NINL: variants seen among roughly 807,000 people sequenced by gnomAD.
NINL encodes the protein ninein-like protein.
Under a neutral mutation model 160.3 loss-of-function variants are expected in NINL, and 153 were observed. The ratio of observed to expected loss-of-function variants is 0.95; its 90% CI spans 0.84 to 1.09. NINL has a LOEUF of 1.09. Among genes scored for constraint, NINL ranks in the 50% least tolerant of loss-of-function variants. The pLI, the probability that NINL is intolerant of heterozygous loss-of-function variation, is 0.00. For synonymous variants in NINL, 800 were observed against 734.8 expected, an observed-to-expected ratio of 1.09 and a Z score of -1.43; for missense variants, 1,829 against 1,764.0, an observed-to-expected ratio of 1.04 and a Z score of -0.66.
chr20:25,540,643 A>T (rs1373870689), intron 1 of NINL, among the ~76,000 whole-genome samples: 2 of 152,168 alleles, frequency 1.3e-5, no homozygotes, highest in Non-Finnish European at 2.9e-5. Flanking sequence ...CAGAAAGAAC[A>T]GGGCTGAGGC....
intron 17 of NINL, among the ~76,000 whole-genome samples, chr20:25,474,493 C>T (rs1389831995): frequency 6.6e-6 from 1 of 152,160 alleles, no homozygotes; most frequent in African/African-American, 2.4e-5. Flanking sequence ...GAGAGGCGGC[C>T]ATTTAATGGC....
chr20:25,518,219 T>C (rs1176785828), intron 2 of NINL, among the ~76,000 whole-genome samples: 1 of 152,214 alleles, frequency 6.6e-6, no homozygotes, highest in Non-Finnish European at 1.5e-5. Context: ...CTACATCTCC[T>C]GAACCCTACC....
intron 2 of NINL, among the ~76,000 whole-genome samples, chr20:25,523,490 C>A (rs1481594507): frequency 2.6e-5 from 4 of 152,170 alleles, no homozygotes; most frequent in Non-Finnish European, 5.9e-5. Context: ...TAGACTTAAG[C>A]AATCCTCTCA....
chr20:25,476,813 C>A lies in NINL; in HGVS notation c.2478G>T (p.Met826Ile). Residue 826 changes from methionine (M) to isoleucine (I), a missense_variant, in exon 17 of 24, where the codon ATG (methionine) becomes ATT (isoleucine). Transcript: ENST00000278886. ...CCAGCCCATCTTTCGGCAGGGCCTG[C>A]ATCTCTGCTTCCAGGGAGGGCCCGT... ...RVDGPSLEAE[M>I]QALPKDGLVA... The A allele has an allele frequency of 6.2e-7, 1 of 1,613,108 alleles. No homozygotes were observed. Among genetic ancestry groups the A allele is most frequent in the Non-Finnish European group, 8.5e-7 (1 of 1,179,938 alleles).
chr20:25,508,394 G>A (rs1601182204), intron 5 of NINL, among the ~76,000 whole-genome samples: 1 of 152,238 alleles, frequency 6.6e-6, no homozygotes, highest in East Asian at 1.9e-4. Flanking sequence ...ACTGCTCACA[G>A]GACTAAGGAA....
intron 15 of NINL, among the ~76,000 whole-genome samples, chr20:25,479,574 T>C (rs1480194084): frequency 6.6e-6 from 1 of 152,192 alleles, no homozygotes; most frequent in Non-Finnish European, 1.5e-5. Context: ...CATTCAACTA[T>C]GGGTGGGCAG....
chr20:25,526,649 C>T (rs1568943452), intron 1 of NINL, 51 bp from the exon 2 acceptor site: 3 of 1,548,152 alleles, frequency 1.9e-6, no homozygotes, highest in Admixed American at 1.7e-5. Context: ...TCCCACCTCC[C>T]CTCCCATTCC....
Position 25,453,231 on chromosome 20 carries a change from G to A in NINL, c.*220C>T, listed in dbSNP as rs2146245334. 3 of 420,770 alleles carry A rather than the reference G, an allele frequency of 7.1e-6. No homozygotes were observed. Among genetic ancestry groups the A allele is most frequent in the East Asian group, 3.7e-5 (1 of 26,886 alleles). 26.1% of individuals were successfully genotyped at this position (420,770 alleles called of 1,614,324 possible). A position where few individuals can be genotyped will look rare whatever the true frequency, so the allele number is the denominator to read the frequency against. On this transcript the variant is annotated 3_prime_UTR_variant, in exon 24 of 24. Coordinates refer to ENST00000278886, the MANE Select transcript of NINL (RefSeq NM_025176.6). ...TTGCCAAGGGAAATTACTCAGGACC[G>A]CTAATAAAAACGCCGGCTTCTGCAA...
At chr20:25,500,696 C>T (rs181948062) in intron 8 of NINL, 144 bp downstream of exon 8, 6 of 687,036 alleles carry the variant, frequency 8.7e-6, no homozygotes, top group East Asian at 5.6e-5. Context: ...TAGGTTTCTA[C>T]CTGGACTTCC....
intron 19 of NINL, among the ~76,000 whole-genome samples, chr20:25,464,563 A>G (rs1038384878): frequency 6.6e-6 from 1 of 152,064 alleles, no homozygotes; most frequent in African/African-American, 2.4e-5. Flanking sequence ...CACTCCCCCA[A>G]TCTGCTTTGC....
At chr20:25,581,920 GA>G (rs2065179081) in intron 1 of NINL, among the ~76,000 whole-genome samples, 1 of 152,184 alleles carries the variant, frequency 6.6e-6, no homozygotes. Context: ...ATGAGTTAGC[GA>G]AAAAGTTTCC....
intron 13 of NINL, among the ~76,000 whole-genome samples, chr20:25,482,549 C>T (rs982958935): frequency 6.6e-6 from 1 of 151,784 alleles, no homozygotes; most frequent in African/African-American, 2.4e-5. Context: ...TGGGGTTTCA[C>T]CATGTTGGCC....
chr20:25,544,522 T>G (rs2064709695), intron 1 of NINL, among the ~76,000 whole-genome samples: 1 of 152,134 alleles, frequency 6.6e-6, no homozygotes, highest in African/African-American at 2.4e-5. Flanking sequence ...TTGAGGTGCT[T>G]AGGAGAACAG....
At chr20:25,465,059 T>C (rs1271887998) in intron 19 of NINL, among the ~76,000 whole-genome samples, 1 of 152,232 alleles carries the variant, frequency 6.6e-6, no homozygotes, top group Non-Finnish European at 1.5e-5. Flanking sequence ...CTCCTGGGTG[T>C]GTGTTAAAAC....
At chr20:25,504,157 G>A (rs1026615990) in intron 6 of NINL, 53 bp from the exon 7 acceptor site, 68 of 1,515,258 alleles carry the variant, frequency 4.5e-5, no homozygotes, top group Non-Finnish European at 6.0e-5. Flanking sequence ...CCACCCAACC[G>A]CCCTCACCAG....
rs139262444 is a variant in NINL, at chr20:25,464,334, T to C, written c.3424-1793A>G. 7.2e-3 allele frequency among the ~76,000 whole-genome samples: 1,097 copies of C among 152,246 alleles called. 9 individuals carry two copies. The highest frequency in any genetic ancestry group is 0.051 in the South Asian group (247 of 4,810). On this transcript the variant is annotated intron_variant, in intron 19 of 23. Coordinates refer to ENST00000278886, the MANE Select transcript of NINL (RefSeq NM_025176.6). ...TGGGAGGCTGAGGCAGGAGAATCGA[T>C]TGAACCCGGGAGGCAGAGGTTGCAG...
intron 5 of NINL, among the ~76,000 whole-genome samples, chr20:25,510,086 G>C (rs896998136): frequency 1.3e-5 from 2 of 152,254 alleles, no homozygotes; most frequent in Non-Finnish European, 2.9e-5. Flanking sequence ...TGGATGGTCA[G>C]CCTCCCCTTG....
rs78458510 is a variant in NINL, at chr20:25,577,759, C to T, written c.-12+7696G>A. On this transcript the variant is annotated intron_variant, in intron 1 of 23. Coordinates refer to ENST00000278886, the MANE Select transcript of NINL (RefSeq NM_025176.6). ...CCCACCACCCCTCTTTGTGTGGGGC[C>T]AGCAGAAGCTCGGGGCTTACTACTG... 3.0e-3 allele frequency among the ~76,000 whole-genome samples: 451 copies of T among 152,188 alleles called. 5 individuals carry two copies. The highest frequency in any genetic ancestry group is 9.4e-3 in the African/African-American group (390 of 41,532).
intron 1 of NINL, among the ~76,000 whole-genome samples, chr20:25,556,724 T>C (rs2064871233): frequency 6.6e-6 from 1 of 152,178 alleles, no homozygotes; most frequent in African/African-American, 2.4e-5. Context: ...GGAGGATCAC[T>C]TGGGCCCAGG....
Sources: allele counts gnomAD v4.1 joint callset (sites outside exome capture counted in the v4.1 genomes callset), GRCh38; gene constraint gnomAD v4.1.1; transcripts MANE v1.5; gene names NCBI Gene and HGNC (gene_info 2026-07-23, HGNC 2026-07-21).